The following ROCK1 variants were observed in gnomAD, a reference collection of about 807,000 sequenced individuals.
ROCK1 encodes the protein Rho associated coiled-coil containing protein kinase 1, also known as rho-associated protein kinase 1.
Under a neutral mutation model 196.8 loss-of-function variants are expected in ROCK1, and 36 were observed. That is an observed-to-expected ratio of 0.18 (90% confidence interval 0.14 to 0.24). ROCK1 has a LOEUF of 0.24. ROCK1 is among the 10% of genes least tolerant of loss of function. ROCK1 has a pLI of 1.00. For missense variants in ROCK1, 920 were observed against 1,562.0 expected, an observed-to-expected ratio of 0.59 and a Z score of 6.93; for synonymous variants, 443 against 515.9, an observed-to-expected ratio of 0.86 and a Z score of 1.91.
chr18:21,036,715 G>A (rs2036060671), intron 9 of ROCK1, among the ~76,000 whole-genome samples: 6 of 152,012 alleles, frequency 3.9e-5, no homozygotes. Flanking sequence ...GTGCTGAGAT[G>A]ACAAGCATGA....
At chr18:21,023,085 G>C (rs1185278662) in intron 11 of ROCK1, among the ~76,000 whole-genome samples, 1 of 152,054 alleles carries the variant, frequency 6.6e-6, no homozygotes, top group African/African-American at 2.4e-5. Flanking sequence ...CCAGGAGCTG[G>C]GGGGAGGGTG....
intron 2 of ROCK1, among the ~76,000 whole-genome samples, chr18:21,053,482 A>T (rs1318245788): frequency 3.3e-5 from 5 of 152,200 alleles, no homozygotes; most frequent in Non-Finnish European, 5.9e-5. Context: ...GCATAATTTA[A>T]AAAAATGCTT....
chr18:20,991,618 T>C (rs1486793022), intron 17 of ROCK1, among the ~76,000 whole-genome samples: 1 of 152,062 alleles, frequency 6.6e-6, no homozygotes, highest in Non-Finnish European at 1.5e-5. Context: ...AAATTTCTGA[T>C]ACCATCTTTT....
At chr18:21,039,421 A>T (rs751012600) in intron 9 of ROCK1, 51 bp downstream of exon 9, 1 of 1,332,610 alleles carries the variant, frequency 7.5e-7, no homozygotes, top group Non-Finnish European at 1.1e-6. Flanking sequence ...ACAAACTACC[A>T]CAACTACTTT....
chr18:21,026,445 G>GAAAAA (rs747563785), intron 10 of ROCK1, among the ~76,000 whole-genome samples: 132 of 35,182 alleles, frequency 3.8e-3, no homozygotes, highest in African/African-American at 6.6e-3. Context: ...ACTCTGTCTC[G>GAAAAA]AAAAAAAAAA....
intron 6 of ROCK1, 104 bp from the exon 7 acceptor site, chr18:21,042,813 TATAAA>T (rs1431560324): frequency 1.8e-6 from 2 of 1,124,806 alleles, no homozygotes; most frequent in Non-Finnish European, 2.5e-6. Flanking sequence ...ATCTTTGAGC[TATAAA>T]ATATCATATA....
At chr18:21,027,204 G>C (rs916801530) in intron 10 of ROCK1, among the ~76,000 whole-genome samples, 1 of 152,094 alleles carries the variant, frequency 6.6e-6, no homozygotes, top group African/African-American at 2.4e-5. Context: ...TTCCCAAACT[G>C]CTGCGATTAC....
intron 27 of ROCK1, among the ~76,000 whole-genome samples, chr18:20,964,623 C>T (rs2035355636): frequency 6.6e-6 from 1 of 152,134 alleles, no homozygotes; most frequent in South Asian, 2.1e-4. Flanking sequence ...CCTCTTCTAG[C>T]AAGGGAGAAT....
chr18:21,071,579 CTA>C (rs1300458421), intron 1 of ROCK1, among the ~76,000 whole-genome samples: 1 of 152,164 alleles, frequency 6.6e-6, no homozygotes, highest in African/African-American at 2.4e-5. Context: ...TCTATTCAGA[CTA>C]TATCCTGCTG....
At chr18:21,076,213 G>C (rs1218834506) in intron 1 of ROCK1, among the ~76,000 whole-genome samples, 1 of 152,060 alleles carries the variant, frequency 6.6e-6, no homozygotes, top group Non-Finnish European at 1.5e-5. Flanking sequence ...TATACATTTA[G>C]AATCAGTTAA....
chr18:20,970,095 A>T, intron 23 of ROCK1: 1 of 307,816 alleles, frequency 3.2e-6, no homozygotes, highest in Non-Finnish European at 5.9e-6. Context: ...TAAGATCTAC[A>T]GCCAGAAAAA....
At chr18:21,093,502 A>AT (rs2036587995) in intron 1 of ROCK1, among the ~76,000 whole-genome samples, 1 of 152,192 alleles carries the variant, frequency 6.6e-6, no homozygotes, top group Non-Finnish European at 1.5e-5. Flanking sequence ...TGCACTTTAG[A>AT]AGAGTGTATA....
At chr18:21,020,622 C>G (rs372867773) in intron 11 of ROCK1, among the ~76,000 whole-genome samples, 337 of 152,292 alleles carry the variant, frequency 2.2e-3, no homozygotes, top group African/African-American at 7.6e-3. Flanking sequence ...GAAAAGGTCA[C>G]TTCTAACTCT....
chr18:20,990,693 CAAAAAAAAAAAAAAAA>C (rs1170099682), intron 18 of ROCK1, among the ~76,000 whole-genome samples: 3 of 22,584 alleles, frequency 1.3e-4, no homozygotes, highest in Admixed American at 4.6e-4. Context: ...AACTTCGTCT[CAAAAAAAAAAAAAAAA>C]AAAAAAAAAA....
intron 9 of ROCK1, among the ~76,000 whole-genome samples, chr18:21,036,034 A>C (rs2036054179): frequency 1.3e-5 from 2 of 152,218 alleles, no homozygotes; most frequent in Non-Finnish European, 1.5e-5. Context: ...TACAGTTAAA[A>C]ATGCCCAACA....
chr18:21,039,613 A>G, intron 8 of ROCK1, 50 bp from the exon 9 acceptor site: 1 of 1,292,404 alleles, frequency 7.7e-7, no homozygotes, highest in Non-Finnish European at 1.1e-6. Flanking sequence ...AGATCTTATT[A>G]TAACCTGTCC....
At chr18:21,009,296 AGTCACCGCGCCTGGCCAAGAC>A (rs1193380248) in intron 13 of ROCK1, among the ~76,000 whole-genome samples, 10 of 148,974 alleles carry the variant, frequency 6.7e-5, no homozygotes, top group Admixed American at 5.4e-4. Context: ...TACAGGCGTG[AGTCACCGCGCCTGGCCAAGAC>A]AGGTTTTTTT....
intron 1 of ROCK1, among the ~76,000 whole-genome samples, chr18:21,109,343 A>G (rs1466948962): frequency 1.3e-5 from 2 of 152,218 alleles, no homozygotes; most frequent in African/African-American, 2.4e-5. Context: ...GATGATTTAA[A>G]GAAAAAGAAA....
At chr18:21,008,436 G>A (rs1301719179) in intron 13 of ROCK1, among the ~76,000 whole-genome samples, 1 of 152,182 alleles carries the variant, frequency 6.6e-6, no homozygotes, top group Non-Finnish European at 1.5e-5. Flanking sequence ...ACTGCGTCCA[G>A]CTAATTTTTC....
Sources: gnomAD v4.1 joint callset for allele counts (sites outside exome capture counted in the v4.1 genomes callset) on GRCh38, gnomAD v4.1.1 for gene constraint, MANE v1.5 for transcripts, NCBI Gene and HGNC (gene_info 2026-07-23, HGNC 2026-07-21) for gene names.